Variants in RORA observed in about 807,000 individuals in gnomAD.
RORA encodes the protein nuclear receptor ROR-alpha.
A neutral mutation model predicts 69.5 loss-of-function variants in RORA; 7 were observed. The ratio of observed to expected loss-of-function variants is 0.10; its 90% CI spans 0.06 to 0.19. The LOEUF (loss-of-function observed/expected upper bound fraction) is 0.19, where lower values mean the gene tolerates loss of function less well. RORA is among the 10% of genes least tolerant of loss of function. The pLI is 1.00. For synonymous variants in RORA, 261 were observed against 240.8 expected (o/e 1.08, Z -0.78); for missense variants, 457 against 663.0 (o/e 0.69, Z 3.41).
intron 1 of RORA, among the ~76,000 whole-genome samples, chr15:60,945,336 T>C (rs567460631): frequency 1.3e-5 from 2 of 152,298 alleles, no homozygotes; most frequent in East Asian, 3.9e-4. Flanking sequence ...CAAGGCACAG[T>C]GCTGGCTTCT....
Position 60,493,987 on chromosome 15 carries a change from A to ACT in RORA, c.*3466_*3467dup, listed in dbSNP as rs1555420596. On this transcript the variant is annotated 3_prime_UTR_variant, in exon 11 of 11. Transcript: ENST00000335670. ...CACACACACACACACACACACACAC[A>ACT]CTCCTTCCTCACCTGACCCTCAGCC... 0.045 allele frequency: 6,286 copies of ACT among 139,300 alleles called. 189 individuals carry two copies. Among genetic ancestry groups the ACT allele is most frequent in the Non-Finnish European group, 0.07 (4,462 of 63,584 alleles). The allele number at this position is 139,300 out of a possible 1,614,324, so 8.6% of individuals were successfully genotyped here. A position where few individuals can be genotyped will look rare whatever the true frequency, so the allele number is the denominator to read the frequency against.
chr15:61,006,657 A>G (rs2140387440), intron 1 of RORA, among the ~76,000 whole-genome samples: 1 of 152,272 alleles, frequency 6.6e-6, no homozygotes, highest in East Asian at 1.9e-4. Flanking sequence ...CAGCAGTGGT[A>G]TTCTCCAGAC....
chr15:60,501,008 C>T lies in RORA; in HGVS notation c.1245G>A (p.Leu415=), dbSNP rs2065314192. 4 of 1,610,810 alleles carry T rather than the reference C, an allele frequency of 2.5e-6. No homozygotes were observed. The East Asian group carries it at 6.7e-5, about 27-fold the overall frequency. Residue 415 remains leucine (L), a synonymous_variant, in exon 9 of 11, where the codon CTG becomes CTA. Coordinates refer to ENST00000335670, the MANE Select transcript of RORA (RefSeq NM_134261.3). ...EFGKSLCSMH[L]TEDEIALFSA... is the part of the protein sequence containing the mutation. ...AAAATAATGCAATTTCATCTTCAGT[C>T]AGGTGCATAGAACATAAACTCTTTC... is the stretch of plus-strand genomic sequence containing the variant.
intron 2 of RORA, among the ~76,000 whole-genome samples, chr15:60,546,858 C>G (rs1271823197): frequency 2.6e-5 from 4 of 152,206 alleles, no homozygotes; most frequent in Non-Finnish European, 4.4e-5. Context: ...TGATTACTAT[C>G]AGATTATGAC....
intron 1 of RORA, among the ~76,000 whole-genome samples, chr15:61,101,930 C>G (rs1015394093): frequency 6.6e-6 from 1 of 151,996 alleles, no homozygotes; most frequent in Admixed American, 6.6e-5. Context: ...GCAATGTGTG[C>G]CTGGGTTTGT....
At position 60,754,950 on chromosome 15, in the gene RORA, C is replaced by T. The variant is rs1397499492; in HGVS notation, c.167-76264G>A. 2.7e-5 allele frequency among the ~76,000 whole-genome samples: 4 copies of T among 150,264 alleles called. No individual in the cohort carries two copies. In the East Asian group the frequency reaches 7.8e-4, roughly 29 times the overall value. ...ATATCTCTCTTATTATCCCCGTAAA[C>T]TCAGTGCACTTCTTGAAGATGAGAG... On this transcript the variant is annotated intron_variant, in intron 1 of 10. Transcript: ENST00000335670.
chr15:60,506,191 C>T (rs2065495091), intron 5 of RORA, among the ~76,000 whole-genome samples: 1 of 152,148 alleles, frequency 6.6e-6, no homozygotes, highest in Non-Finnish European at 1.5e-5. Flanking sequence ...GTCTGTATCT[C>T]AGCTCTGCTG....
At chr15:60,499,048 T>A (rs2065251463) in intron 10 of RORA, among the ~76,000 whole-genome samples, 1 of 152,222 alleles carries the variant, frequency 6.6e-6, no homozygotes, top group Non-Finnish European at 1.5e-5. Context: ...TAATCATATT[T>A]ATTGTGAAAG....
intron 1 of RORA, among the ~76,000 whole-genome samples, chr15:60,973,813 C>T (rs770028437): frequency 1.6e-4 from 24 of 152,210 alleles, no homozygotes; most frequent in Non-Finnish European, 3.1e-4. Flanking sequence ...CTTCTGTAAC[C>T]GTGGGTCGGA....
intron 1 of RORA, among the ~76,000 whole-genome samples, chr15:60,841,527 C>T (rs1306171608): frequency 1.3e-5 from 2 of 152,280 alleles, no homozygotes; most frequent in East Asian, 3.9e-4. Flanking sequence ...GAAGGAGGCC[C>T]CTGCCATTGC....
chr15:60,876,999 T>C (rs528549457), intron 1 of RORA, among the ~76,000 whole-genome samples: 4 of 152,264 alleles, frequency 2.6e-5, no homozygotes, highest in African/African-American at 9.6e-5. Context: ...AAATAACTAA[T>C]GGGTACTGGG....
intron 1 of RORA, among the ~76,000 whole-genome samples, chr15:60,749,537 C>T (rs148351204): frequency 1.1e-3 from 174 of 152,236 alleles, no homozygotes; most frequent in Middle Eastern, 3.4e-3. Context: ...ATTTAAGTAA[C>T]CCTTACATTA....
intron 2 of RORA, among the ~76,000 whole-genome samples, chr15:60,584,666 T>C (rs1033127575): frequency 5.3e-5 from 8 of 152,218 alleles, no homozygotes; most frequent in Admixed American, 5.2e-4. Context: ...CTGAAACAAA[T>C]TTATTTACTT....
Position 60,617,663 on chromosome 15 carries a change from G to GAGAGAGAGAC in RORA, c.196+60993_196+60994insGTCTCTCTCT, listed in dbSNP as rs1163777000. Among the ~76,000 whole-genome samples, 21 of 80,394 alleles carry GAGAGAGAGAC rather than the reference G, an allele frequency of 2.6e-4. 1 individual carries two copies. The highest frequency in any genetic ancestry group is 2.2e-3 in the African/African-American group (17 of 7,762). 52.7% of individuals were successfully genotyped at this position (80,394 alleles called of 152,430 possible). The stretch of plus-strand genomic sequence containing the variant: ...ACGCACATACACACATACAGACAGA[G>GAGAGAGAGAC]AGAGAGAGAGAGAGAGAGAGAGAGA... On this transcript the variant is annotated intron_variant, in intron 2 of 10. Transcript: ENST00000335670.
chr15:60,622,785 G>C (rs777753630), intron 2 of RORA, among the ~76,000 whole-genome samples: 1 of 152,114 alleles, frequency 6.6e-6, no homozygotes, highest in East Asian at 1.9e-4. Flanking sequence ...GCAAAATCTT[G>C]GCTCACGGCC....
At chr15:60,870,146 C>T (rs572031365) in intron 1 of RORA, among the ~76,000 whole-genome samples, 6 of 152,286 alleles carry the variant, frequency 3.9e-5, no homozygotes, top group South Asian at 2.1e-4. Context: ...AAGGTTATTC[C>T]GTTACTAGCC....
intron 1 of RORA, among the ~76,000 whole-genome samples, chr15:60,807,583 T>C (rs1174056374): frequency 1.3e-5 from 2 of 152,070 alleles, no homozygotes; most frequent in African/African-American, 4.8e-5. Context: ...AATCTTAAAA[T>C]TCATATGGAG....
Position 61,069,811 on chromosome 15 carries a change from G to A in RORA, c.166+159242C>T, listed in dbSNP as rs552992165. On this transcript the variant is annotated intron_variant, in intron 1 of 10. Coordinates refer to ENST00000335670, the MANE Select transcript of RORA (RefSeq NM_134261.3). ...TTCAGGAGGTATGTCTACTGAAACC[G>A]AAGATAGATTTAAAACGAACTCCTC... 3.3e-5 allele frequency among the ~76,000 whole-genome samples: 5 copies of A among 152,160 alleles called. No individual in the cohort carries two copies. The South Asian group carries it at 8.3e-4, about 25-fold the overall frequency.
chr15:61,174,850 T>C (rs1278764061), intron 1 of RORA, among the ~76,000 whole-genome samples: 1 of 152,208 alleles, frequency 6.6e-6, no homozygotes, highest in East Asian at 1.9e-4. Context: ...CTGACCCGCA[T>C]AATGGCTCTC....
Sources: gnomAD v4.1 joint callset for allele counts (sites outside exome capture counted in the v4.1 genomes callset) on GRCh38, gnomAD v4.1.1 for gene constraint, MANE v1.5 for transcripts, NCBI Gene and HGNC (gene_info 2026-07-23, HGNC 2026-07-21) for gene names.